The following SLC14A2 variants were observed in gnomAD, a reference collection of about 807,000 sequenced individuals.
SLC14A2 encodes the protein solute carrier family 14 member 2, also known as urea transporter 2.
Under a neutral mutation model 104.6 loss-of-function variants are expected in SLC14A2, and 91 were observed. That is an observed-to-expected ratio of 0.87 (90% CI 0.73 to 1.04). The LOEUF is 1.04. Ranked by LOEUF, SLC14A2 falls within the 50% of genes least tolerant of loss-of-function variation. The pLI, the probability that SLC14A2 is intolerant of heterozygous loss-of-function variation, is 0.00. For missense variants in SLC14A2, 1,189 were observed against 1,156.0 expected, an observed-to-expected ratio of 1.03 and a Z score of -0.41; for synonymous variants, 476 against 466.4, an observed-to-expected ratio of 1.02 and a Z score of -0.27.
the SLC14A2 span, among the ~76,000 whole-genome samples, chr18:45,188,542 G>T: frequency 6.6e-6 from 1 of 152,100 alleles, no homozygotes; most frequent in Non-Finnish European, 1.5e-5. Context: ...GTCTTCACAG[G>T]CTCTAGGTGC....
intron 11 of SLC14A2, among the ~76,000 whole-genome samples, chr18:45,664,480 G>T (rs2045982217): frequency 6.6e-6 from 1 of 152,202 alleles, no homozygotes; most frequent in Admixed American, 6.5e-5. Flanking sequence ...GTCTGGGGAG[G>T]TTTCCTCAAC....
At chr18:45,400,179 G>T (rs1471520006) in intron 1 of SLC14A2, among the ~76,000 whole-genome samples, 1 of 152,116 alleles carries the variant, frequency 6.6e-6, no homozygotes, top group Non-Finnish European at 1.5e-5. Flanking sequence ...ATGCTCCATT[G>T]ATGTTTTTTT....
intron 2 of SLC14A2, among the ~76,000 whole-genome samples, chr18:45,547,921 G>A (rs1411909073): frequency 6.6e-6 from 1 of 152,230 alleles, no homozygotes; most frequent in Non-Finnish European, 1.5e-5. Flanking sequence ...GGGGTGATCA[G>A]AGGAGGGTAA....
chr18:45,399,770 A>G (rs1025587099), intron 1 of SLC14A2, among the ~76,000 whole-genome samples: 56 of 152,254 alleles, frequency 3.7e-4, no homozygotes, highest in African/African-American at 1.2e-3. Flanking sequence ...GTGAGATTAC[A>G]TTTGGAGTTA....
chr18:45,618,866 G>A (rs1025976170), intron 1 of SLC14A2, among the ~76,000 whole-genome samples: 4 of 152,134 alleles, frequency 2.6e-5, no homozygotes, highest in African/African-American at 9.6e-5. Context: ...CAGGGCAGCA[G>A]GAGCATACGA....
At chr18:45,443,420 G>C (rs1014011403) in intron 1 of SLC14A2, among the ~76,000 whole-genome samples, 5 of 152,220 alleles carry the variant, frequency 3.3e-5, no homozygotes, top group African/African-American at 1.2e-4. Context: ...AGTAAGGCCT[G>C]TCTGTCTAGA....
chr18:45,664,594 G>T (rs1365588367), intron 11 of SLC14A2, among the ~76,000 whole-genome samples: 1 of 152,170 alleles, frequency 6.6e-6, no homozygotes. Context: ...GAGTCACACA[G>T]CTGACTAGGG....
intron 2 of SLC14A2, among the ~76,000 whole-genome samples, chr18:45,504,896 G>C (rs1321762254): frequency 6.6e-6 from 1 of 152,096 alleles, no homozygotes; most frequent in East Asian, 1.9e-4. Context: ...ATAATTAGGA[G>C]AAGAAGGAGA....
intron 1 of SLC14A2, among the ~76,000 whole-genome samples, chr18:45,246,689 C>G (rs1317010275): frequency 6.6e-6 from 1 of 152,048 alleles, no homozygotes; most frequent in African/African-American, 2.4e-5. Context: ...TCTCTTGCCT[C>G]AGCCTCCCAA....
chr18:45,346,588 G>A (rs908452913), intron 1 of SLC14A2, among the ~76,000 whole-genome samples: 6 of 152,126 alleles, frequency 3.9e-5, no homozygotes, highest in African/African-American at 1.4e-4. Flanking sequence ...GGCATCTTCT[G>A]ATAAGCAGGA....
chr18:45,555,903 C>T (rs1446132076), intron 2 of SLC14A2, among the ~76,000 whole-genome samples: 2 of 152,216 alleles, frequency 1.3e-5, no homozygotes, highest in South Asian at 2.1e-4. Context: ...AATTCCACAT[C>T]GTTGGCATTG....
chr18:45,259,485 A>G (rs1481222187), intron 1 of SLC14A2, among the ~76,000 whole-genome samples: 1 of 152,150 alleles, frequency 6.6e-6, no homozygotes, highest in East Asian at 1.9e-4. Context: ...ATAGCTACAG[A>G]CTCAGGATTC....
intron 1 of SLC14A2, among the ~76,000 whole-genome samples, chr18:45,273,785 C>T (rs944931674): frequency 6.6e-6 from 1 of 152,124 alleles, no homozygotes; most frequent in African/African-American, 2.4e-5. Flanking sequence ...ACACAAAATT[C>T]TCTTCTCGTT....
the SLC14A2 span, chr18:45,180,986 C>T: frequency 1.4e-4 from 22 of 152,302 alleles, no homozygotes; most frequent in African/African-American, 4.8e-4. Context: ...CTGTCCTAGC[C>T]AACTGGATGG....
At chr18:45,634,925 G>C (rs915254032) in intron 5 of SLC14A2, 5 of 455,800 alleles carry the variant, frequency 1.1e-5, no homozygotes, top group East Asian at 6.9e-5. Context: ...ACAGTGTTTA[G>C]ATTAGAGTGA....
intron 18 of SLC14A2, among the ~76,000 whole-genome samples, chr18:45,675,212 A>G (rs2144655414): frequency 6.6e-6 from 1 of 152,332 alleles, no homozygotes; most frequent in East Asian, 1.9e-4. Flanking sequence ...CTGTAGGTGG[A>G]TCCTTGAACT....
chr18:45,598,990 G>A lies in SLC14A2; in HGVS notation c.-34-25641G>A, dbSNP rs190544434. The stretch of plus-strand genomic sequence containing the variant: ...TTCTTCTCTCATCAAATCATGTGCC[G>A]GTATATGCAGCCACTGGTTTCCAAA... On this transcript the variant is annotated intron_variant, in intron 2 of 20. Transcript: ENST00000586448. Among the ~76,000 whole-genome samples, 560 of 152,092 alleles carry A rather than the reference G, an allele frequency of 3.7e-3. 8 individuals carry two copies. Among genetic ancestry groups the A allele is most frequent in the African/African-American group, 0.013 (534 of 41,452 alleles).
At position 45,547,177 on chromosome 18, in the gene SLC14A2, A is replaced by C. The variant is rs568448962; in HGVS notation, c.-35+63855A>C. 5.3e-5 allele frequency among the ~76,000 whole-genome samples: 8 copies of C among 152,304 alleles called. No individual in the cohort carries two copies. The South Asian group carries it at 1.7e-3, about 32-fold the overall frequency. On this transcript the variant is annotated intron_variant, in intron 2 of 20. Coordinates refer to the SLC14A2 transcript ENST00000586448. Reference sequence around the variant, plus strand: ...ACCAAGAATTTTGCTATCTGAGCTAAACAAAAGGAAAAAAAAAGAAAAACT... The same window carrying C: ...ACCAAGAATTTTGCTATCTGAGCTACACAAAAGGAAAAAAAAAGAAAAACT...
At chr18:45,291,352 AG>A (rs2084867557) in intron 1 of SLC14A2, among the ~76,000 whole-genome samples, 1 of 152,170 alleles carries the variant, frequency 6.6e-6, no homozygotes, top group Admixed American at 6.6e-5. Context: ...GGTAATAATG[AG>A]GAATGATGAG....
Sources: gnomAD v4.1 joint callset for allele counts (sites outside exome capture counted in the v4.1 genomes callset) on GRCh38, gnomAD v4.1.1 for gene constraint, MANE v1.5 for transcripts, NCBI Gene and HGNC (gene_info 2026-07-23, HGNC 2026-07-21) for gene names.